The following METAP2 variants were observed in gnomAD, a reference collection of about 807,000 sequenced individuals.
METAP2 encodes the protein methionine aminopeptidase 2.
Under a neutral mutation model 59.4 loss-of-function variants are expected in METAP2, and 25 were observed. The ratio of observed to expected loss-of-function variants is 0.42; its 90% CI spans 0.31 to 0.59. The LOEUF is 0.59. Ranked by LOEUF, METAP2 falls within the 20% of genes least tolerant of loss-of-function variation. The pLI is 0.16. For synonymous variants in METAP2, 214 were observed against 194.1 expected (o/e 1.10, Z -0.85); for missense variants, 366 against 581.2 (o/e 0.63, Z 3.81).
At chr12:95,492,760 CAG>C (rs1469304828) in intron 4 of METAP2, among the ~76,000 whole-genome samples, 3 of 151,898 alleles carry the variant, frequency 2.0e-5, no homozygotes, top group Admixed American at 6.6e-5. Flanking sequence ...GAGTCAGAGA[CAG>C]AGTCAGGTTG....
chr12:95,495,708 G>A (rs990634373), intron 6 of METAP2, among the ~76,000 whole-genome samples: 1 of 152,032 alleles, frequency 6.6e-6, no homozygotes, highest in Non-Finnish European at 1.5e-5. Flanking sequence ...GTCTTTTCTT[G>A]TATTCATTTT....
intron 4 of METAP2, among the ~76,000 whole-genome samples, chr12:95,488,329 G>A (rs769723133): frequency 4.0e-5 from 6 of 151,234 alleles, no homozygotes; most frequent in Admixed American, 6.6e-5. Context: ...GTAAAACCCC[G>A]TCTCTACTAA....
chr12:95,483,318 A>C, intron 3 of METAP2, 38 bp downstream of exon 3: 1 of 1,519,300 alleles, frequency 6.6e-7, no homozygotes, highest in Non-Finnish European at 9.1e-7. Flanking sequence ...ATATATTAGA[A>C]GTGTTTATTC....
intron 7 of METAP2, 26 bp downstream of exon 7, chr12:95,496,124 A>G (rs781307357): frequency 2.1e-6 from 3 of 1,436,480 alleles, no homozygotes; most frequent in African/African-American, 1.4e-5. Context: ...GCACCATTTC[A>G]TTCCCAATAT....
chr12:95,513,990 T>C lies in METAP2; in HGVS notation c.*86T>C. ...CAGAATTAATTTGCCACATGTTGTCTGTTTTAACAGTGGACCCATGTAATA... is the reference window on the plus strand; with the variant it reads ...CAGAATTAATTTGCCACATGTTGTCCGTTTTAACAGTGGACCCATGTAATA... On this transcript the variant is annotated 3_prime_UTR_variant, in exon 11 of 11. Coordinates refer to ENST00000323666, the MANE Select transcript of METAP2 (RefSeq NM_006838.4). 6.9e-7 allele frequency: 1 copy of C among 1,439,920 alleles called. No individual in the cohort carries two copies. Among genetic ancestry groups the C allele is most frequent in the Non-Finnish European group, 9.4e-7 (1 of 1,062,524 alleles). The allele number at this position is 1,439,920 out of a possible 1,614,324, so 89.2% of individuals were successfully genotyped here.
At chr12:95,500,109 A>C (rs1261382634) in intron 7 of METAP2, among the ~76,000 whole-genome samples, 2 of 151,090 alleles carry the variant, frequency 1.3e-5, no homozygotes, top group Non-Finnish European at 2.9e-5. Flanking sequence ...TTCATTGTAC[A>C]TGTGTTTTAA....
rs1384139415 is a variant in METAP2 at position 95,474,164 on chromosome 12, C to T, written c.-16C>T. 7 of 1,612,770 alleles carry T rather than the reference C, an allele frequency of 4.3e-6. No homozygotes were observed. In the African/African-American group the frequency reaches 6.7e-5, roughly 15 times the overall value. ...CTCGCCGCTCTGTCTCATTCCCTCG[C>T]GCTCTCTCGGGCAACATGGCGGGTG... is the stretch of plus-strand genomic sequence containing the variant. On this transcript the variant is annotated 5_prime_UTR_variant, in exon 1 of 11. Transcript: ENST00000323666.
intron 2 of METAP2, among the ~76,000 whole-genome samples, chr12:95,482,616 TAAAAAA>T: frequency 7.7e-6 from 1 of 130,114 alleles, no homozygotes; most frequent in East Asian, 2.3e-4. Context: ...CCATCTCTAC[TAAAAAA>T]AAAAAAAAAA....
chr12:95,484,431 A>G (rs2076181100), intron 3 of METAP2, among the ~76,000 whole-genome samples: 1 of 152,010 alleles, frequency 6.6e-6, no homozygotes, highest in East Asian at 1.9e-4. Context: ...AATTATTAAA[A>G]GTTTGGCTAT....
At chr12:95,474,399 A>G (rs889934706) in intron 1 of METAP2, 69 bp downstream of exon 1, 1 of 1,548,298 alleles carries the variant, frequency 6.5e-7, no homozygotes, top group Non-Finnish European at 8.7e-7. Flanking sequence ...AGGCCCGTTG[A>G]GGGGGCCGGG....
At chr12:95,498,378 CAT>C (rs1342184775) in intron 7 of METAP2, among the ~76,000 whole-genome samples, 1 of 152,038 alleles carries the variant, frequency 6.6e-6, no homozygotes, top group East Asian at 1.9e-4. Flanking sequence ...TCCTTTTTCT[CAT>C]ATTGTGGGTT....
chr12:95,505,276 T>A (rs1006627400), intron 8 of METAP2, among the ~76,000 whole-genome samples: 9 of 152,216 alleles, frequency 5.9e-5, no homozygotes, highest in African/African-American at 2.2e-4. Flanking sequence ...TATAGACAGT[T>A]ACCACCAACG....
At chr12:95,507,173 G>A (rs1370182250) in intron 8 of METAP2, among the ~76,000 whole-genome samples, 1 of 152,202 alleles carries the variant, frequency 6.6e-6, no homozygotes, top group Non-Finnish European at 1.5e-5. Flanking sequence ...AGATAAATCT[G>A]TAACCTGAAT....
intron 7 of METAP2, among the ~76,000 whole-genome samples, chr12:95,502,217 G>A (rs750504896): frequency 6.6e-6 from 1 of 151,968 alleles, no homozygotes; most frequent in Non-Finnish European, 1.5e-5. Flanking sequence ...TGTTGGCCAG[G>A]CTGGTCTTGA....
chr12:95,477,843 G>A (rs891343963), intron 2 of METAP2, among the ~76,000 whole-genome samples: 12 of 152,166 alleles, frequency 7.9e-5, no homozygotes, highest in Non-Finnish European at 1.6e-4. Flanking sequence ...CAAGATTCAA[G>A]GGAATTACTA....
At chr12:95,476,595 TC>T (rs1437681755) in intron 2 of METAP2, among the ~76,000 whole-genome samples, 1 of 152,084 alleles carries the variant, frequency 6.6e-6, no homozygotes, top group African/African-American at 2.4e-5. Context: ...TATAGTGTTT[TC>T]TCTGACATTT....
chr12:95,501,786 A>G (rs1425068135), intron 7 of METAP2, among the ~76,000 whole-genome samples: 1 of 151,166 alleles, frequency 6.6e-6, no homozygotes, highest in African/African-American at 2.4e-5. Context: ...TTTGCAGACT[A>G]TTGTTAGAAT....
At chr12:95,486,142 G>A (rs2076194985) in intron 4 of METAP2, among the ~76,000 whole-genome samples, 161 bp downstream of exon 4, 1 of 152,104 alleles carries the variant, frequency 6.6e-6, no homozygotes, top group Non-Finnish European at 1.5e-5. Context: ...CAAAATGATT[G>A]GGACCAATAG....
chr12:95,492,152 G>GTGTGTGTGTGTGTA (rs778238237), intron 4 of METAP2, among the ~76,000 whole-genome samples: 32 of 151,782 alleles, frequency 2.1e-4, no homozygotes, highest in African/African-American at 7.5e-4. Flanking sequence ...GTGTGTGTGT[G>GTGTGTGTGTGTGTA]TGTATGTATA....
Sources: allele counts gnomAD v4.1 joint callset (sites outside exome capture counted in the v4.1 genomes callset), GRCh38; gene constraint gnomAD v4.1.1; transcripts MANE v1.5; gene names NCBI Gene and HGNC (gene_info 2026-07-23, HGNC 2026-07-21).